LCN1: variants seen among roughly 807,000 people sequenced by gnomAD.
LCN1 encodes lipocalin 1, also known as lipocalin-1.
Under a neutral mutation model 22.3 loss-of-function variants are expected in LCN1, and 25 were observed. That is an observed-to-expected ratio of 1.12 (90% confidence interval 0.82 to 1.56). The LOEUF (loss-of-function observed/expected upper bound fraction) is 1.56. LCN1 is among the 40% of genes most tolerant of loss of function. The pLI is 0.00. For missense variants in LCN1, 219 were observed against 235.6 expected (o/e 0.93, Z 0.46); for synonymous variants, 85 against 97.6 (o/e 0.87, Z 0.76).
rs1287751792 is a variant in LCN1, at chr9:135,526,476, G to A, written c.*134G>A. ...GCTGCACCCCTTCCTACCACCCCCC[G>A]CCTTCCCCCTGCCCTGCGCCCCCTC... On this transcript the variant is annotated 3_prime_UTR_variant, in exon 7 of 7. Transcript: ENST00000371781. 37 of 930,446 alleles carry A rather than the reference G, an allele frequency of 4.0e-5. No homozygotes were observed. Among genetic ancestry groups the A allele is most frequent in the East Asian group, 1.3e-4 (2 of 14,930 alleles). 57.6% of individuals were successfully genotyped at this position (930,446 alleles called of 1,614,324 possible).
rs984097594 is a variant in LCN1, at chr9:135,526,491, T to C, written c.*149T>C. On this transcript the variant is annotated 3_prime_UTR_variant, in exon 7 of 7. Transcript: ENST00000371781. ...ACCACCCCCCGCCTTCCCCCTGCCC[T>C]GCGCCCCCTCTCCTGGTTCTCCATA... 8.4e-7 allele frequency: 1 copy of C among 1,187,036 alleles called. No homozygotes were observed. Among genetic ancestry groups the C allele is most frequent in the Non-Finnish European group, 1.1e-6 (1 of 902,862 alleles). 73.5% of individuals were successfully genotyped at this position (1,187,036 alleles called of 1,614,324 possible). A position where few individuals can be genotyped will look rare whatever the true frequency, so the allele number is the denominator to read the frequency against.
At position 135,525,155 on chromosome 9, in the gene LCN1, T is replaced by C. The variant is rs770029647; in HGVS notation, c.529T>C (p.Ter177GlnextTer66). 1 of 1,613,452 alleles carries C rather than the reference T, an allele frequency of 6.2e-7. No individual in the cohort carries two copies. Among genetic ancestry groups the C allele is most frequent in the Non-Finnish European group, 8.5e-7 (1 of 1,179,672 alleles). The change falls in exon 6 of 7, where the codon TAG (stop) becomes CAG (glutamine). Residue 177 changes from the stop codon to glutamine (Q), a stop_lost. Transcript: ENST00000371781. ...AGAAACCTGCTCTCCAGGGAGCGAT[T>C]AGGGTGAGTGAACAGCTTTAGAGGA... ...QSETCSPGSD[*>Q]
chr9:135,521,884 G>T (rs1411315075), intron 1 of LCN1, among the ~76,000 whole-genome samples, 163 bp from the exon 2 acceptor site: 1 of 152,124 alleles, frequency 6.6e-6, no homozygotes, highest in African/African-American at 2.4e-5. Context: ...CCACCTTCAA[G>T]TGGGCCTGGC....
Position 135,521,597 on chromosome 9 carries a change from G to C in LCN1, c.90+10G>C. Reference sequence around the variant, plus strand: ...CGAGGAGATTCAGGATGTGAGGCCCGGATGGGAAGGCTGGGCTGGAGGGGG... The same window carrying C: ...CGAGGAGATTCAGGATGTGAGGCCCCGATGGGAAGGCTGGGCTGGAGGGGG... On this transcript the variant is annotated intron_variant, in intron 1 of 6. Transcript: ENST00000371781. The C allele has an allele frequency of 6.2e-7, 1 of 1,603,012 alleles. No individual in the cohort carries two copies. The highest frequency in any genetic ancestry group is 1.7e-5 in the Admixed American group (1 of 59,144).
At chr9:135,521,956 G>T (rs544119671) in intron 1 of LCN1, 91 bp from the exon 2 acceptor site, 2 of 1,525,394 alleles carry the variant, frequency 1.3e-6, no homozygotes, top group Admixed American at 2.0e-5. Flanking sequence ...TCCAGCCCTC[G>T]GGGTGCGGTA....
intron 2 of LCN1, 54 bp from the exon 3 acceptor site, chr9:135,523,178 G>A (rs2118949099): frequency 1.3e-6 from 2 of 1,546,672 alleles, no homozygotes; most frequent in East Asian, 4.5e-5. Flanking sequence ...GTTGCTCCAG[G>A]GCCGGGGGAG....
intron 5 of LCN1, 90 bp from the exon 6 acceptor site, chr9:135,525,042 C>T: frequency 6.4e-7 from 1 of 1,568,148 alleles, no homozygotes; most frequent in South Asian, 1.1e-5. Context: ...TTTGTCCTTC[C>T]TGGGGTGGTG....
intron 1 of LCN1, among the ~76,000 whole-genome samples, chr9:135,521,830 G>A (rs1272509908): frequency 6.6e-6 from 1 of 152,116 alleles, no homozygotes; most frequent in Non-Finnish European, 1.5e-5. Context: ...TCTTCCCTGG[G>A]GATGAGGGCT....
At chr9:135,523,764 G>A (rs1175967159) in intron 3 of LCN1, 116 bp from the exon 4 acceptor site, 2 of 820,126 alleles carry the variant, frequency 2.4e-6, no homozygotes, top group African/African-American at 3.3e-5. Flanking sequence ...AGCTCTGGGA[G>A]GCTGGGAGGG....
In LCN1 at chr9:135,524,006, T is replaced by C. The variant is rs767608466; in HGVS notation, c.403+16T>C. 57 of 1,585,764 alleles carry C rather than the reference T, an allele frequency of 3.6e-5. No individual in the cohort carries two copies. The highest frequency in any genetic ancestry group is 4.5e-5 in the Non-Finnish European group (52 of 1,154,530). On this transcript the variant is annotated intron_variant, in intron 4 of 6. Transcript: ENST00000371781. ...AAGCTCGTGGGTGGGTCCCGCACCC[T>C]CACCCTGCAACCCATGCCTCCACCT...
At position 135,524,932 on chromosome 9, in the gene LCN1, G is replaced by C; in HGVS notation, c.505+1G>C. The C allele has an allele frequency of 6.2e-7, 1 of 1,604,870 alleles. No homozygotes were observed. Among genetic ancestry groups the C allele is most frequent in the Non-Finnish European group, 8.5e-7 (1 of 1,176,036 alleles). ...AGCATCCTCATCCCCAGGCAGAGCG[G>C]TAGGAGGCATGGCCCTGCAGAGCCC... On this transcript the variant is annotated splice_donor_variant, in intron 5 of 6. Transcript: ENST00000371781. LOFTEE classifies it high-confidence loss of function.
rs376875781 is a variant in LCN1 at position 135,524,077 on chromosome 9, G to A, written c.403+87G>A. ...CTCCTGCACCCTCTTCCCCATGGGA[G>A]AAGCCACTGGGACCCAGGAACCCAC... On this transcript the variant is annotated intron_variant, in intron 4 of 6. Coordinates refer to ENST00000371781, the MANE Select transcript of LCN1 (RefSeq NM_002297.4). 1,286 of 978,642 alleles carry A rather than the reference G, an allele frequency of 1.3e-3. 9 individuals carry two copies. The African/African-American group carries it at 0.015, about 11-fold the overall frequency. 60.6% of individuals were successfully genotyped at this position (978,642 alleles called of 1,614,324 possible). A position where few individuals can be genotyped will look rare whatever the true frequency, so the allele number is the denominator to read the frequency against.
chr9:135,522,957 C>A (rs1428450726), intron 2 of LCN1, among the ~76,000 whole-genome samples: 7 of 150,226 alleles, frequency 4.7e-5, no homozygotes, highest in Admixed American at 4.0e-4. Context: ...GCCTGGGTGC[C>A]TCTGGCAGGA....
chr9:135,524,595 G>A (rs1488633847), intron 4 of LCN1, among the ~76,000 whole-genome samples: 1 of 152,194 alleles, frequency 6.6e-6, no homozygotes, highest in Non-Finnish European at 1.5e-5. Context: ...TCCGGGAGAT[G>A]CTCAGGGATG....
At chr9:135,521,955 CG>C in intron 1 of LCN1, 91 bp from the exon 2 acceptor site, 2 of 1,522,188 alleles carry the variant, frequency 1.3e-6, no homozygotes, top group South Asian at 2.5e-5. Flanking sequence ...TTCCAGCCCT[CG>C]GGGTGCGGTA....
Position 135,523,281 on chromosome 9 carries a change from G to C in LCN1, c.271G>C (p.Glu91Gln). The C allele has an allele frequency of 1.9e-6, 3 of 1,613,102 alleles. No homozygotes were observed. The highest frequency in any genetic ancestry group is 2.2e-5 in the South Asian group (2 of 90,940). Residue 91 changes from glutamate to glutamine, a missense_variant, in exon 3 of 7, where the codon GAG becomes CAG. Glu to Gln is a conservative substitution (Grantham distance 29). Coordinates refer to ENST00000371781, the MANE Select transcript of LCN1 (RefSeq NM_002297.4). Reference protein sequence around the residue: ...EVKAVLEKTDEPGKYTADGGK... With the variant: ...EVKAVLEKTDQPGKYTADGGK... Reference sequence around the variant, plus strand: ...GAAGGCCGTCCTGGAGAAAACTGACGAGCCGGGAAAATACACGGCCGGTGA... The same window carrying C: ...GAAGGCCGTCCTGGAGAAAACTGACCAGCCGGGAAAATACACGGCCGGTGA...
chr9:135,523,632 C>T (rs543678933), intron 3 of LCN1, among the ~76,000 whole-genome samples: 27 of 152,296 alleles, frequency 1.8e-4, no homozygotes, highest in African/African-American at 6.5e-4. Flanking sequence ...GACCTCATAC[C>T]CGGAGGAACC....
chr9:135,521,517 C>T lies in LCN1; in HGVS notation c.20C>T (p.Ala7Val), dbSNP rs1331736489. ...CCGGAGATGAAGCCCCTGCTCCTGGCCGTCAGCCTTGGCCTCATTGCTGCC... is the reference window on the plus strand; with the variant it reads ...CCGGAGATGAAGCCCCTGCTCCTGGTCGTCAGCCTTGGCCTCATTGCTGCC... MKPLLLAVSLGLIAALQ... is the reference protein window; with the variant it reads MKPLLLVVSLGLIAALQ... The change falls in exon 1 of 7, where the codon GCC becomes GTC. Residue 7 changes from alanine (A) to valine (V), a missense_variant. Physicochemically the swap from Ala to Val is moderately conservative, Grantham distance 64. Transcript: ENST00000371781. The T allele has an allele frequency of 6.2e-7, 1 of 1,612,846 alleles. No homozygotes were observed. The highest frequency in any genetic ancestry group is 1.1e-5 in the South Asian group (1 of 91,016).
At chr9:135,521,951 C>T in intron 1 of LCN1, 96 bp from the exon 2 acceptor site, 1 of 1,514,268 alleles carries the variant, frequency 6.6e-7, no homozygotes. Context: ...CCGTTTCCAG[C>T]CCTCGGGGTG....
Sources: allele counts gnomAD v4.1 joint callset (sites outside exome capture counted in the v4.1 genomes callset), GRCh38; gene constraint gnomAD v4.1.1; transcripts MANE v1.5; gene names NCBI Gene and HGNC (gene_info 2026-07-23, HGNC 2026-07-21).